The following MEGF11 variants were observed in gnomAD, a reference collection of about 807,000 sequenced individuals.
MEGF11 encodes multiple epidermal growth factor-like domains protein 11.
MEGF11 carries 126 observed loss-of-function variants against 146.6 expected under a neutral mutation model. The ratio of observed to expected loss-of-function variants is 0.86; its 90% CI spans 0.74 to 1.00. The LOEUF (loss-of-function observed/expected upper bound fraction) is 1.00. Among genes scored for constraint, MEGF11 ranks in the 50% least tolerant of loss-of-function variants. The pLI, the probability that MEGF11 is intolerant of heterozygous loss-of-function variation, is 0.00. For synonymous variants in MEGF11, 532 were observed against 583.4 expected, an observed-to-expected ratio of 0.91 and a Z score of 1.27; for missense variants, 1,509 against 1,521.2, an observed-to-expected ratio of 0.99 and a Z score of 0.13.
chr15:66,091,668 T>C (rs913076173), intron 5 of MEGF11, among the ~76,000 whole-genome samples: 11 of 152,106 alleles, frequency 7.2e-5, no homozygotes, highest in Non-Finnish European at 1.5e-4. Context: ...ATTAAACAAG[T>C]GGATAAGTAA....
chr15:65,968,777 T>A (rs2081202099), intron 8 of MEGF11, among the ~76,000 whole-genome samples: 1 of 152,210 alleles, frequency 6.6e-6, no homozygotes. Flanking sequence ...CCAGATACAT[T>A]GCTCAATTAA....
In MEGF11 at chr15:66,221,210, C is replaced by G. The variant is rs141433361; in HGVS notation, c.-9+32395G>C. ...AGGGACCATCCCCCAGGCCTCCCAA[C>G]TGCATTCAGTACTTCTGTCTTCCTC... On this transcript the variant is annotated intron_variant, in intron 1 of 25. Coordinates refer to ENST00000395614, the MANE Select transcript of MEGF11 (RefSeq NM_001385028.1). 2.3e-3 allele frequency among the ~76,000 whole-genome samples: 350 copies of G among 152,250 alleles called. 2 individuals are homozygous for G. Among genetic ancestry groups the G allele is most frequent in the African/African-American group, 8.0e-3 (331 of 41,550 alleles).
At chr15:66,106,634 G>T (rs367755365) in intron 4 of MEGF11, among the ~76,000 whole-genome samples, 4 of 152,156 alleles carry the variant, frequency 2.6e-5, no homozygotes, top group Non-Finnish European at 5.9e-5. Context: ...TCTGGCTCTA[G>T]GGTCTATGCT....
At chr15:65,923,774 T>TA (rs1439139127) in intron 13 of MEGF11, among the ~76,000 whole-genome samples, 8 of 152,176 alleles carry the variant, frequency 5.3e-5, no homozygotes, top group African/African-American at 1.9e-4. Context: ...ACAAAGTCTA[T>TA]AATAGTCTTT....
chr15:66,031,938 G>A (rs1209788857), intron 5 of MEGF11, among the ~76,000 whole-genome samples: 6 of 152,230 alleles, frequency 3.9e-5, no homozygotes. Context: ...GTGAGCAGCA[G>A]GTGAGCGAGC....
chr15:66,146,274 C>A (rs558566990), intron 1 of MEGF11, among the ~76,000 whole-genome samples: 1 of 152,330 alleles, frequency 6.6e-6, no homozygotes, highest in Non-Finnish European at 1.5e-5. Flanking sequence ...TCATTCACCT[C>A]CAGCGGGAAG....
chr15:66,004,884 T>G, intron 5 of MEGF11, among the ~76,000 whole-genome samples: 1 of 152,200 alleles, frequency 6.6e-6, no homozygotes, highest in Non-Finnish European at 1.5e-5. Flanking sequence ...AATGAAATTT[T>G]GAACACAGAC....
intron 1 of MEGF11, among the ~76,000 whole-genome samples, chr15:66,129,375 C>T (rs2088545219): frequency 6.6e-6 from 1 of 152,232 alleles, no homozygotes; most frequent in Non-Finnish European, 1.5e-5. Flanking sequence ...CGCACCCAAA[C>T]ATCATCTGTA....
intron 5 of MEGF11, among the ~76,000 whole-genome samples, chr15:65,993,813 A>AT: frequency 6.6e-6 from 1 of 152,264 alleles, no homozygotes; most frequent in East Asian, 1.9e-4. Flanking sequence ...AGACATGACC[A>AT]TTTCCCCATC....
chr15:66,008,827 G>GAAA lies in MEGF11; in HGVS notation c.395-26342_395-26340dup, dbSNP rs35381735. Among the ~76,000 whole-genome samples, 1,374 of 143,990 alleles carry GAAA rather than the reference G, an allele frequency of 9.5e-3. 23 individuals are homozygous for GAAA. Among genetic ancestry groups the GAAA allele is most frequent in the African/African-American group, 0.033 (1,271 of 39,012 alleles). The allele number at this position is 143,990 out of a possible 152,430, so 94.5% of individuals were successfully genotyped here. On this transcript the variant is annotated intron_variant, in intron 5 of 25. Coordinates refer to ENST00000395614, the MANE Select transcript of MEGF11 (RefSeq NM_001385028.1). ...CAACAGAACAAGACTCTGTCTCTTA[G>GAAA]AAAAAAAAAAAAAATAGTTAAAGGG...
At chr15:65,912,310 A>C in intron 20 of MEGF11, 110 bp from the exon 21 acceptor site, 1 of 566,186 alleles carries the variant, frequency 1.8e-6, no homozygotes, top group Non-Finnish European at 2.6e-6. Context: ...GCAAAGACAA[A>C]CAGGCAAGTA....
chr15:66,061,866 G>A (rs1669123169), intron 5 of MEGF11, among the ~76,000 whole-genome samples: 1 of 152,144 alleles, frequency 6.6e-6, no homozygotes, highest in Admixed American at 6.5e-5. Context: ...TCAAACTCCT[G>A]GGCTCAAGTG....
intron 16 of MEGF11, among the ~76,000 whole-genome samples, chr15:65,917,165 C>A (rs1596834902): frequency 6.6e-6 from 1 of 152,182 alleles, no homozygotes; most frequent in Non-Finnish European, 1.5e-5. Flanking sequence ...AGCCCAGATT[C>A]TCTGCCCACT....
chr15:65,898,643 T>TG (rs1402833428), intron 25 of MEGF11, 85 bp downstream of exon 25: 103 of 1,573,366 alleles, frequency 6.5e-5, no homozygotes, highest in Non-Finnish European at 8.6e-5. Context: ...GTGGTCAAGG[T>TG]GGGGTGAGTG....
At position 66,241,800 on chromosome 15, in the gene MEGF11, G is replaced by A. The variant is rs150616392; in HGVS notation, c.-9+11805C>T. On this transcript the variant is annotated intron_variant, in intron 1 of 25. Coordinates refer to ENST00000395614, the MANE Select transcript of MEGF11 (RefSeq NM_001385028.1). ...ACAGCTGCTCACAGGCACAAAGCAC[G>A]CTACTCAACCCAACACGCAAAGACA... is the stretch of plus-strand genomic sequence containing the variant. 2.6e-5 allele frequency among the ~76,000 whole-genome samples: 4 copies of A among 152,022 alleles called. No homozygotes were observed. The East Asian group carries it at 5.8e-4, about 22-fold the overall frequency.
At chr15:65,929,672 G>C in intron 12 of MEGF11, 48 bp downstream of exon 12, 1 of 1,530,658 alleles carries the variant, frequency 6.5e-7, no homozygotes, top group Non-Finnish European at 8.8e-7. Context: ...GGGAAAGGGC[G>C]TGAGGGGATG....
At position 66,004,826 on chromosome 15, in the gene MEGF11, G is replaced by C. The variant is rs1194419480; in HGVS notation, c.395-22338C>G. Among the ~76,000 whole-genome samples, 3 of 152,326 alleles carry C rather than the reference G, an allele frequency of 2.0e-5. No individual in the cohort carries two copies. The East Asian group carries it at 5.8e-4, about 29-fold the overall frequency. On this transcript the variant is annotated intron_variant, in intron 5 of 25. Coordinates refer to ENST00000395614, the MANE Select transcript of MEGF11 (RefSeq NM_001385028.1). ...CAACACCCAGGGCTAGCGTATTTCT[G>C]CAGGCAATGGGACCCGGTGTGCTGT...
intron 7 of MEGF11, 44 bp downstream of exon 7, chr15:65,980,734 C>G (rs759945179): frequency 1.3e-6 from 2 of 1,539,774 alleles, no homozygotes; most frequent in Non-Finnish European, 1.7e-6. Context: ...GTGATGAAGG[C>G]TCAGCCCTCC....
intron 13 of MEGF11, among the ~76,000 whole-genome samples, chr15:65,924,470 T>C (rs907230043): frequency 6.6e-6 from 1 of 151,952 alleles, no homozygotes; most frequent in African/African-American, 2.4e-5. Flanking sequence ...CCAGTGGTGG[T>C]TCAGGTGCCC....
Sources: allele counts gnomAD v4.1 joint callset (sites outside exome capture counted in the v4.1 genomes callset), GRCh38; gene constraint gnomAD v4.1.1; transcripts MANE v1.5; gene names NCBI Gene and HGNC (gene_info 2026-07-23, HGNC 2026-07-21).